Variants in AGBL3 observed in about 807,000 individuals in gnomAD.
The protein encoded by AGBL3 is AGBL carboxypeptidase 3.
Under a neutral mutation model 94.5 loss-of-function variants are expected in AGBL3, and 68 were observed. That is an observed-to-expected ratio of 0.72 (90% CI 0.59 to 0.88). The LOEUF (loss-of-function observed/expected upper bound fraction) is 0.88. Ranked by LOEUF, AGBL3 falls within the 40% of genes least tolerant of loss-of-function variation. The pLI, the probability that AGBL3 is intolerant of heterozygous loss-of-function variation, is 0.00. For missense variants in AGBL3, 934 were observed against 1,103.8 expected (o/e 0.85, Z 2.18); for synonymous variants, 354 against 370.7 (o/e 0.95, Z 0.52).
chr7:135,105,351 TA>T (rs1256140691), intron 15 of AGBL3, among the ~76,000 whole-genome samples: 1 of 152,218 alleles, frequency 6.6e-6, no homozygotes, highest in Non-Finnish European at 1.5e-5. Context: ...ATTACAGGCA[TA>T]GGCCACTGCG....
At chr7:135,062,189 TTAGA>T (rs1039715947) in intron 12 of AGBL3, among the ~76,000 whole-genome samples, 3 of 152,080 alleles carry the variant, frequency 2.0e-5, no homozygotes, top group South Asian at 2.1e-4. Flanking sequence ...TTTTTGATTT[TTAGA>T]TAGTTTGTTA....
chr7:135,088,658 T>C (rs1198783163), intron 15 of AGBL3, among the ~76,000 whole-genome samples: 1 of 152,110 alleles, frequency 6.6e-6, no homozygotes, highest in African/African-American at 2.4e-5. Context: ...TATTCTTGAC[T>C]GGCAATTTTT....
At chr7:135,046,019 A>C in intron 11 of AGBL3, 108 bp downstream of exon 11, 1 of 779,710 alleles carries the variant, frequency 1.3e-6, no homozygotes. Flanking sequence ...TCCCAACTGT[A>C]AGTGGTGGAA....
chr7:135,110,122 G>A (rs916853307), intron 15 of AGBL3, among the ~76,000 whole-genome samples: 1 of 152,176 alleles, frequency 6.6e-6, no homozygotes, highest in African/African-American at 2.4e-5. Context: ...CTGTCTCAGG[G>A]AGGTGTAACA....
intron 12 of AGBL3, among the ~76,000 whole-genome samples, chr7:135,071,865 G>C (rs575835270): frequency 1.3e-3 from 202 of 152,266 alleles, no homozygotes; most frequent in African/African-American, 4.7e-3. Context: ...AGGACTTCAT[G>C]TCTAAAACAC....
At chr7:135,051,645 A>T (rs1817886898) in intron 11 of AGBL3, among the ~76,000 whole-genome samples, 1 of 152,102 alleles carries the variant, frequency 6.6e-6, no homozygotes, top group African/African-American at 2.4e-5. Flanking sequence ...TTCATGAGAA[A>T]AAATCTTCAG....
chr7:135,085,941 A>G (rs958450961), intron 15 of AGBL3, among the ~76,000 whole-genome samples: 10 of 151,902 alleles, frequency 6.6e-5, no homozygotes, highest in African/African-American at 2.4e-4. Context: ...GATAGTATGG[A>G]CATTTTCACA....
At chr7:135,100,216 G>A (rs974219656) in intron 15 of AGBL3, 2 of 151,544 alleles carry the variant, frequency 1.3e-5, no homozygotes, top group Non-Finnish European at 2.9e-5. Flanking sequence ...AACACTGGTG[G>A]CATAAGATAA....
At chr7:135,131,734 A>G (rs1381235760) in intron 16 of AGBL3, among the ~76,000 whole-genome samples, 1 of 152,082 alleles carries the variant, frequency 6.6e-6, no homozygotes, top group Non-Finnish European at 1.5e-5. Flanking sequence ...AAACAGAAAA[A>G]TGACACAGAA....
chr7:135,123,770 A>T (rs1438566063), intron 16 of AGBL3, among the ~76,000 whole-genome samples: 1 of 152,234 alleles, frequency 6.6e-6, no homozygotes, highest in Non-Finnish European at 1.5e-5. Context: ...ATTTCAACCC[A>T]GAATTTCATA....
At chr7:135,129,169 A>G (rs571250498) in intron 16 of AGBL3, 2 of 1,446,432 alleles carry the variant, frequency 1.4e-6, no homozygotes, top group South Asian at 2.3e-5. Context: ...TCCACCTTGG[A>G]CCTGATGGCA....
chr7:135,115,557 C>G lies in AGBL3; in HGVS notation c.2288C>G (p.Thr763Ser). 1 of 1,551,402 alleles carries G rather than the reference C, an allele frequency of 6.4e-7. No homozygotes were observed. The highest frequency in any genetic ancestry group is 8.7e-7 in the Non-Finnish European group (1 of 1,146,828). ...GTGCATAGCACTAAAAACATGCAAACCACTCAGATAAAACAGCTATTCAAT... is the reference window on the plus strand; with the variant it reads ...GTGCATAGCACTAAAAACATGCAAAGCACTCAGATAAAACAGCTATTCAAT... ...PIVHSTKNMQ[T>S]TQIKQLFNPR... The change falls in exon 16 of 17, where the codon ACC becomes AGC. Residue 763 changes from threonine (T) to serine (S), a missense_variant. Around this residue, in one of 3 missense-constraint regions of AGBL3, gnomAD observed 441 missense variants for 518.2 expected, o/e 0.85. Coordinates refer to ENST00000436302, the MANE Select transcript of AGBL3 (RefSeq NM_178563.4).
At chr7:135,001,405 A>G (rs969248651) in intron 4 of AGBL3, among the ~76,000 whole-genome samples, 2 of 152,164 alleles carry the variant, frequency 1.3e-5, no homozygotes, top group Admixed American at 6.5e-5. Context: ...TCATCAGTCT[A>G]TCCATATTAG....
chr7:135,131,197 C>G (rs925692036), intron 16 of AGBL3, among the ~76,000 whole-genome samples: 1 of 152,122 alleles, frequency 6.6e-6, no homozygotes, highest in Non-Finnish European at 1.5e-5. Flanking sequence ...TCATCTTCAG[C>G]AAACTTAATA....
At position 135,040,885 on chromosome 7, in the gene AGBL3, C is replaced by CACCACACACACA. The variant is rs60759991; in HGVS notation, c.1501-3140_1501-3139insACCACACACACA. Among the ~76,000 whole-genome samples, 89 of 121,026 alleles carry CACCACACACACA rather than the reference C, an allele frequency of 7.4e-4. 1 individual carries two copies. Among genetic ancestry groups the CACCACACACACA allele is most frequent in the African/African-American group, 2.5e-3 (72 of 28,722 alleles). The allele number at this position is 121,026 out of a possible 152,430, so 79.4% of individuals were successfully genotyped here. On this transcript the variant is annotated intron_variant, in intron 8 of 16. Transcript: ENST00000436302. ...TGATCCATGCACACACACACACACA[C>CACCACACACACA]CACACACACACACACACACAAAACT...
At chr7:135,086,469 T>C (rs1004467215) in intron 15 of AGBL3, among the ~76,000 whole-genome samples, 1 of 152,094 alleles carries the variant, frequency 6.6e-6, no homozygotes, top group African/African-American at 2.4e-5. Context: ...GTATGGCCTT[T>C]ACTGTGTTGA....
Position 135,086,589 on chromosome 7 carries a change from C to T in AGBL3, c.2110+4799C>T, listed in dbSNP as rs570617383. On this transcript the variant is annotated intron_variant, in intron 15 of 16. Transcript: ENST00000436302. ...TTGAGATGATCATAGGGTTTTTGTC[C>T]TCCATCCTGTTGATGTGATGTATCA... Among the ~76,000 whole-genome samples, 2 of 151,894 alleles carry T rather than the reference C, an allele frequency of 1.3e-5. 1 individual carries two copies. The highest frequency in any genetic ancestry group is 4.2e-4 in the South Asian group (2 of 4,810).
chr7:135,076,351 T>C lies in AGBL3; in HGVS notation c.1909-46T>C, dbSNP rs568786022. On this transcript the variant is annotated intron_variant, in intron 12 of 16. Coordinates refer to ENST00000436302, the MANE Select transcript of AGBL3 (RefSeq NM_178563.4). ...ATTTCATGTCTGCATATGTACTCTT[T>C]GATATGTTGATTAAATATTGATTTT... 5.3e-4 allele frequency: 699 copies of C among 1,330,712 alleles called. 11 individuals carry two copies. In the South Asian group the frequency reaches 8.5e-3, roughly 16 times the overall value. The allele number at this position is 1,330,712 out of a possible 1,614,324, so 82.4% of individuals were successfully genotyped here.
intron 5 of AGBL3, among the ~76,000 whole-genome samples, chr7:135,029,015 G>T (rs1157789389): frequency 2.0e-5 from 3 of 152,118 alleles, no homozygotes; most frequent in African/African-American, 7.2e-5. Flanking sequence ...TCAATAATGG[G>T]CTTAAAATAT....
Sources: allele counts gnomAD v4.1 joint callset (sites outside exome capture counted in the v4.1 genomes callset), GRCh38; gene constraint gnomAD v4.1.1; regional missense constraint gnomAD v4.1.1; transcripts MANE v1.5; gene names NCBI Gene and HGNC (gene_info 2026-07-23, HGNC 2026-07-21).